The following ZNF440 variants were observed in gnomAD, a reference collection of about 807,000 sequenced individuals.
The protein encoded by ZNF440 is zinc finger protein 440.
ZNF440 carries 47 observed loss-of-function variants against 49.7 expected under a neutral mutation model. The ratio of observed to expected loss-of-function variants is 0.95; its 90% CI spans 0.75 to 1.21. ZNF440 has a LOEUF of 1.21. Among genes scored for constraint, ZNF440 ranks in the 50% most tolerant of loss-of-function variants. The pLI is 0.00. For synonymous variants in ZNF440, 255 were observed against 237.7 expected (o/e 1.07, Z -0.67); for missense variants, 703 against 715.0 (o/e 0.98, Z 0.19).
chr19:11,822,247 T>C (rs1446549755), intron 1 of ZNF440, among the ~76,000 whole-genome samples: 1 of 152,112 alleles, frequency 6.6e-6, no homozygotes, highest in African/African-American at 2.4e-5. Flanking sequence ...TATATGTGAG[T>C]TGACCACATG....
chr19:11,816,001 G>A (rs115002004), intron 1 of ZNF440: 1,751 of 152,574 alleles, frequency 0.011, 30 homozygotes, highest in African/African-American at 0.04. Context: ...ATTAGGAGCC[G>A]AATAGGAGAG....
In ZNF440 at chr19:11,832,808, T is replaced by G. The variant is rs1055421528; in HGVS notation, c.1632T>G (p.Ser544Arg). 13 of 1,613,754 alleles carry G rather than the reference T, an allele frequency of 8.1e-6. No homozygotes were observed. The highest frequency in any genetic ancestry group is 1.3e-5 in the African/African-American group (1 of 74,804). ...VGLTLKRNPM[S>R]VSNDGKPSDL... ...TCACCCTGAAGAGAAACCCTATGAG[T>G]GTGAGCAATGACGGAAAGCCTTCAG... Residue 544 changes from serine to arginine, a missense_variant, in exon 4 of 4, where the codon AGT (serine) becomes AGG (arginine). By Grantham distance (110) the Ser-to-Arg change is moderately radical (BLOSUM62 -1). Coordinates refer to ENST00000304060, the MANE Select transcript of ZNF440 (RefSeq NM_152357.3).
intron 1 of ZNF440, among the ~76,000 whole-genome samples, chr19:11,822,116 T>C (rs757712266): frequency 6.6e-6 from 1 of 152,180 alleles, no homozygotes; most frequent in Non-Finnish European, 1.5e-5. Context: ...GAAGTCGCAC[T>C]GTGATTAAGA....
intron 1 of ZNF440, among the ~76,000 whole-genome samples, chr19:11,824,687 C>G (rs1241530421): frequency 6.8e-6 from 1 of 147,588 alleles, no homozygotes; most frequent in East Asian, 2.0e-4. Flanking sequence ...ATTCCAGGCT[C>G]ATAGTTCCCC....
chr19:11,832,138 T>C lies in ZNF440; in HGVS notation c.962T>C (p.Leu321Ser), dbSNP rs1329907143. The C allele has an allele frequency of 1.2e-6, 2 of 1,614,106 alleles. No individual in the cohort carries two copies. Among genetic ancestry groups the C allele is most frequent in the Admixed American group, 1.7e-5 (1 of 60,008 alleles). The change falls in exon 4 of 4, where the codon TTA (leucine) becomes TCA (serine). Residue 321 changes from leucine (L) to serine (S), a missense_variant. Physicochemically the swap from Leu to Ser is moderately radical, Grantham distance 145 (BLOSUM62 -2). Coordinates refer to ENST00000304060, the MANE Select transcript of ZNF440 (RefSeq NM_152357.3). ...GAATGTAAGCAGTGTGGGAAAGCAT[T>C]ATCCTCTCTTACAAGTTTTCAAACA... The part of the protein sequence containing the change: ...LYECKQCGKA[L>S]SSLTSFQTHV...
rs184150432 is a variant in ZNF440 at position 11,819,611 on chromosome 19, G to T, written c.3+5161G>T. 5.2e-4 allele frequency among the ~76,000 whole-genome samples: 79 copies of T among 152,244 alleles called. 1 individual carries two copies. The East Asian group carries it at 0.014, about 27-fold the overall frequency. On this transcript the variant is annotated intron_variant, in intron 1 of 3. Transcript: ENST00000304060. Reference sequence around the variant, plus strand: ...GTGGGGGTTTCACCATGTTGGCCAGGCTGGCCTCGAACTCCTGGCCTCAAG... The same window carrying T: ...GTGGGGGTTTCACCATGTTGGCCAGTCTGGCCTCGAACTCCTGGCCTCAAG...
At chr19:11,825,729 G>A (rs769511334) in intron 1 of ZNF440, among the ~76,000 whole-genome samples, 2 of 150,752 alleles carry the variant, frequency 1.3e-5, no homozygotes, top group Non-Finnish European at 2.9e-5. Flanking sequence ...TGATCCTCCC[G>A]CCTCAGCTTC....
Position 11,832,983 on chromosome 19 carries a change from C to G in ZNF440, c.*19C>G, listed in dbSNP as rs1975973035. 1.9e-6 allele frequency: 3 copies of G among 1,601,288 alleles called. No individual in the cohort carries two copies. The African/African-American group carries it at 4.1e-5, about 22-fold the overall frequency. On this transcript the variant is annotated 3_prime_UTR_variant, in exon 4 of 4. Transcript: ENST00000304060. ...CACATAATGCACTCTGTAGAGAGAC[C>G]TTATAAATGTAAGATATGTGGGAGG...
chr19:11,828,912 A>G (rs967353040), intron 1 of ZNF440, among the ~76,000 whole-genome samples: 6 of 150,854 alleles, frequency 4.0e-5, no homozygotes, highest in South Asian at 2.1e-4. Context: ...TTGAACTCCA[A>G]CCCTCAGGTG....
intron 1 of ZNF440, among the ~76,000 whole-genome samples, chr19:11,827,211 A>T (rs1975877867): frequency 6.6e-6 from 1 of 151,768 alleles, no homozygotes; most frequent in Non-Finnish European, 1.5e-5. Flanking sequence ...TTACAGGCTC[A>T]TGCCACCAGG....
At chr19:11,828,585 C>G (rs1454292578) in intron 1 of ZNF440, among the ~76,000 whole-genome samples, 1 of 152,102 alleles carries the variant, frequency 6.6e-6, no homozygotes, top group African/African-American at 2.4e-5. Context: ...GACAAATCTA[C>G]ATAAGTTCTC....
At chr19:11,826,430 C>T (rs557831034) in intron 1 of ZNF440, among the ~76,000 whole-genome samples, 34 of 151,960 alleles carry the variant, frequency 2.2e-4, no homozygotes, top group Non-Finnish European at 3.7e-4. Flanking sequence ...GTTTTTAGTT[C>T]ATTTGAGTCA....
In ZNF440 at chr19:11,831,401, A is replaced by T; in HGVS notation, c.225A>T (p.Lys75Asn). 6.2e-7 allele frequency: 1 copy of T among 1,609,780 alleles called. No individual in the cohort carries two copies. The highest frequency in any genetic ancestry group is 1.1e-5 in the South Asian group (1 of 90,060). The change falls in exon 4 of 4, where the codon AAA (lysine) becomes AAT (asparagine). Residue 75 changes from lysine to asparagine, a missense_variant. By Grantham distance (94) the Lys-to-Asn change is moderately conservative. Coordinates refer to ENST00000304060, the MANE Select transcript of ZNF440 (RefSeq NM_152357.3). ...TAGAAGAAAAAGTCAATGAAATTAA[A>T]GATGACAGTCATTGTGGAGAAACTT... is the stretch of plus-strand genomic sequence containing the variant. ...SLIEEKVNEI[K>N]DDSHCGETFT...
At position 11,832,749 on chromosome 19, in the gene ZNF440, G is replaced by T; in HGVS notation, c.1573G>T (p.Glu525Ter). 2.5e-6 allele frequency: 4 copies of T among 1,612,998 alleles called. No homozygotes were observed. Among genetic ancestry groups the T allele is most frequent in the Non-Finnish European group, 3.4e-6 (4 of 1,179,708 alleles). Residue 525 changes from glutamate to a stop codon, truncating the protein, a stop_gained, in exon 4 of 4, where the codon GAG becomes TAG. Transcript: ENST00000304060. LOFTEE classifies it high-confidence loss of function. ...INASNVGKPS[E>*]LCQSFECMVG... ...TGCGAGCAATGTGGGAAAGCCTTCA[G>T]AGCTGTGTCAATCCTTTGAATGCAT...
rs903115939 is a variant in ZNF440, at chr19:11,835,147, C to G, written c.*2183C>G. The G allele has an allele frequency of 1.3e-5, 2 of 152,192 alleles. No individual in the cohort carries two copies. Among genetic ancestry groups the G allele is most frequent in the African/African-American group, 2.4e-5 (1 of 41,408 alleles). The allele number at this position is 152,192 out of a possible 1,614,324, so 9.4% of individuals were successfully genotyped here. On this transcript the variant is annotated 3_prime_UTR_variant, in exon 4 of 4. Coordinates refer to ENST00000304060, the MANE Select transcript of ZNF440 (RefSeq NM_152357.3). Reference sequence around the variant, plus strand: ...TTGGGAGGCCGAGGCGGGCGGATCACTAGGTCAGGAAATGGAGACCATCCT... The same window carrying G: ...TTGGGAGGCCGAGGCGGGCGGATCAGTAGGTCAGGAAATGGAGACCATCCT...
chr19:11,825,791 C>CTTTTT lies in ZNF440; in HGVS notation c.4-4486_4-4482dup, dbSNP rs112631754. On this transcript the variant is annotated intron_variant, in intron 1 of 3. Transcript: ENST00000304060. ...GCCACCATGTCCGGCCACTGATTTT[C>CTTTTT]TTTTTTTTTTCTTTTCTTTTCTTTT... Among the ~76,000 whole-genome samples the CTTTTT allele has an allele frequency of 1.4e-4, 16 of 117,552 alleles. No homozygotes were observed. The East Asian group carries it at 1.5e-3, about 11-fold the overall frequency. 77.1% of individuals were successfully genotyped at this position (117,552 alleles called of 152,430 possible). A position where few individuals can be genotyped will look rare whatever the true frequency, so the allele number is the denominator to read the frequency against.
rs533919482 is a variant in ZNF440, at chr19:11,833,411, T to C, written c.*447T>C. ...ACACAATGGAGAGAAACCCTATGAA[T>C]GTAAAGAATGCAGAAAAGCATTCAG... On this transcript the variant is annotated 3_prime_UTR_variant, in exon 4 of 4. Coordinates refer to ENST00000304060, the MANE Select transcript of ZNF440 (RefSeq NM_152357.3). 100 of 410,310 alleles carry C rather than the reference T, an allele frequency of 2.4e-4. No individual in the cohort carries two copies. Among genetic ancestry groups the C allele is most frequent in the African/African-American group, 1.9e-3 (91 of 47,560 alleles). The allele number at this position is 410,310 out of a possible 1,614,324, so 25.4% of individuals were successfully genotyped here.
rs540088792 is a variant in ZNF440 at position 11,819,600 on chromosome 19, A to G, written c.3+5150A>G. Among the ~76,000 whole-genome samples the G allele has an allele frequency of 3.3e-5, 5 of 152,272 alleles. No individual in the cohort carries two copies. The East Asian group carries it at 7.7e-4, about 24-fold the overall frequency. ...TATTAGTAAAGGTGGGGGTTTCACC[A>G]TGTTGGCCAGGCTGGCCTCGAACTC... On this transcript the variant is annotated intron_variant, in intron 1 of 3. Transcript: ENST00000304060.
At chr19:11,830,570 C>G in intron 2 of ZNF440, 47 bp from the exon 3 acceptor site, 1 of 1,602,276 alleles carries the variant, frequency 6.2e-7, no homozygotes, top group Non-Finnish European at 8.5e-7. Flanking sequence ...AATTTTTTCA[C>G]AATTTTATAC....
Sources: gnomAD v4.1 joint callset for allele counts (sites outside exome capture counted in the v4.1 genomes callset) on GRCh38, gnomAD v4.1.1 for gene constraint, MANE v1.5 for transcripts, NCBI Gene and HGNC (gene_info 2026-07-23, HGNC 2026-07-21) for gene names.